Variants in PDE7B observed in about 807,000 individuals in gnomAD.
PDE7B encodes the protein phosphodiesterase 7B.
PDE7B carries 29 observed loss-of-function variants against 56.2 expected under a neutral mutation model. The ratio of observed to expected loss-of-function variants is 0.52; its 90% CI spans 0.38 to 0.70. The LOEUF is 0.70. Among genes scored for constraint, PDE7B ranks in the 30% least tolerant of loss-of-function variants. The probability of loss-of-function intolerance (pLI) is 0.00; values close to 1 mark genes in which losing one functional copy is unlikely to be tolerated. For synonymous variants in PDE7B, 197 were observed against 196.9 expected (o/e 1.00, Z 0.00); for missense variants, 490 against 565.0 (o/e 0.87, Z 1.35).
chr6:135,977,560 A>G (rs559515075), intron 2 of PDE7B, among the ~76,000 whole-genome samples: 28 of 152,188 alleles, frequency 1.8e-4, no homozygotes, highest in African/African-American at 6.5e-4. Context: ...TAGCTTCCAT[A>G]CCCTTGTCAA....
At chr6:136,161,735 T>C (rs1778706855) in intron 8 of PDE7B, among the ~76,000 whole-genome samples, 1 of 152,232 alleles carries the variant, frequency 6.6e-6, no homozygotes, top group Non-Finnish European at 1.5e-5. Context: ...TCTTTTTCTT[T>C]TAACAGTTCT....
At chr6:136,177,081 A>G (rs973029684) in intron 9 of PDE7B, among the ~76,000 whole-genome samples, 9 of 151,642 alleles carry the variant, frequency 5.9e-5, no homozygotes, top group Non-Finnish European at 1.5e-5. Flanking sequence ...ATGTAGGGAA[A>G]TTTTCATCAG....
intron 1 of PDE7B, among the ~76,000 whole-genome samples, chr6:135,929,429 G>A (rs374278145): frequency 6.6e-6 from 1 of 152,200 alleles, no homozygotes; most frequent in African/African-American, 2.4e-5. Flanking sequence ...TTTGCTATAA[G>A]TATAAAATAT....
intron 2 of PDE7B, among the ~76,000 whole-genome samples, chr6:135,972,199 A>T (rs994840205): frequency 9.1e-5 from 12 of 131,256 alleles, no homozygotes; most frequent in African/African-American, 3.7e-4. Flanking sequence ...GCACCATTAC[A>T]CTCCAGCCTG....
At chr6:135,939,184 C>T (rs769916342) in intron 1 of PDE7B, among the ~76,000 whole-genome samples, 3 of 152,224 alleles carry the variant, frequency 2.0e-5, no homozygotes, top group Non-Finnish European at 4.4e-5. Context: ...AGGGATGGCT[C>T]TTCTGGAAGG....
intron 4 of PDE7B, 50 bp from the exon 5 acceptor site, chr6:136,149,037 G>C: frequency 7.9e-7 from 1 of 1,262,164 alleles, no homozygotes; most frequent in Non-Finnish European, 1.2e-6. Context: ...GTAAATGTTT[G>C]AGTCTCCAGT....
At chr6:135,881,002 G>A (rs1363961531) in intron 1 of PDE7B, among the ~76,000 whole-genome samples, 1 of 152,122 alleles carries the variant, frequency 6.6e-6, no homozygotes, top group Admixed American at 6.6e-5. Context: ...TCTCAGACCA[G>A]GTATGAAGTT....
At chr6:135,917,327 C>T (rs1204905753) in intron 1 of PDE7B, among the ~76,000 whole-genome samples, 3 of 150,872 alleles carry the variant, frequency 2.0e-5, no homozygotes, top group Admixed American at 6.6e-5. Context: ...ATTTTTTTTT[C>T]CAAATTTTCC....
At chr6:135,922,781 C>T (rs1774110241) in intron 1 of PDE7B, among the ~76,000 whole-genome samples, 1 of 152,134 alleles carries the variant, frequency 6.6e-6, no homozygotes, top group East Asian at 1.9e-4. Flanking sequence ...AGTGTAATAG[C>T]ATCATTATAC....
At chr6:135,869,730 A>G (rs1775337618) in intron 1 of PDE7B, among the ~76,000 whole-genome samples, 1 of 152,230 alleles carries the variant, frequency 6.6e-6, no homozygotes, top group Non-Finnish European at 1.5e-5. Context: ...AAGAGAGCCC[A>G]ATGGAGTCTT....
intron 11 of PDE7B, among the ~76,000 whole-genome samples, chr6:136,183,662 C>G (rs544576183): frequency 6.6e-6 from 1 of 150,902 alleles, no homozygotes; most frequent in South Asian, 2.1e-4. Flanking sequence ...AACTGCCTGT[C>G]CTCCCTACTG....
rs187502892 is a variant in PDE7B at position 135,999,220 on chromosome 6, A to G, written c.82+51696A>G. Among the ~76,000 whole-genome samples the G allele has an allele frequency of 5.2e-4, 79 of 152,170 alleles. 1 individual carries two copies. Among genetic ancestry groups the G allele is most frequent in the Non-Finnish European group, 8.7e-4 (59 of 68,020 alleles). On this transcript the variant is annotated intron_variant, in intron 2 of 12. Coordinates refer to ENST00000308191, the MANE Select transcript of PDE7B (RefSeq NM_018945.4). ...CAAATCATCAGATAACATTGAGAAA[A>G]ATCACAGGCTTCATAAGCTATAGAA...
chr6:135,998,777 T>C (rs988626612), intron 2 of PDE7B, among the ~76,000 whole-genome samples: 3 of 135,858 alleles, frequency 2.2e-5, no homozygotes, highest in Non-Finnish European at 3.3e-5. Flanking sequence ...AAATAAAAAA[T>C]AAACAAAAAA....
In PDE7B at chr6:136,051,900, C is replaced by T. The variant is rs926197333; in HGVS notation, c.83-56831C>T. On this transcript the variant is annotated intron_variant, in intron 2 of 12. Transcript: ENST00000308191. Reference sequence around the variant, plus strand: ...TGATAATGAGGAATACACTCCCCTTCGAGACATTTTCCTAACTTCAGAACC... The same window carrying T: ...TGATAATGAGGAATACACTCCCCTTTGAGACATTTTCCTAACTTCAGAACC... 1.4e-4 allele frequency among the ~76,000 whole-genome samples: 21 copies of T among 152,156 alleles called. 1 individual carries two copies. The highest frequency in any genetic ancestry group is 1.2e-3 in the South Asian group (6 of 4,812).
chr6:136,117,697 C>T (rs1243125324), intron 3 of PDE7B, among the ~76,000 whole-genome samples: 6 of 152,156 alleles, frequency 3.9e-5, no homozygotes, highest in African/African-American at 1.2e-4. Flanking sequence ...GGTGCTTAAC[C>T]CCAGGCACAG....
intron 3 of PDE7B, among the ~76,000 whole-genome samples, chr6:136,124,954 C>A (rs1421176891): frequency 6.6e-6 from 1 of 152,074 alleles, no homozygotes; most frequent in Non-Finnish European, 1.5e-5. Context: ...ACATACATAT[C>A]AAATTATTTG....
intron 12 of PDE7B, among the ~76,000 whole-genome samples, chr6:136,190,738 A>G (rs1779209315): frequency 6.6e-6 from 1 of 152,236 alleles, no homozygotes; most frequent in East Asian, 1.9e-4. Flanking sequence ...CAGACATGCA[A>G]ACAAAGAAGT....
intron 1 of PDE7B, among the ~76,000 whole-genome samples, chr6:135,928,530 C>T (rs117983671): frequency 0.11 from 9,179 of 85,996 alleles, 407 homozygotes; most frequent in African/African-American, 0.16. Context: ...TATATATATA[C>T]ACACACACAC....
At chr6:136,040,653 A>G (rs1776398013) in intron 2 of PDE7B, among the ~76,000 whole-genome samples, 1 of 152,162 alleles carries the variant, frequency 6.6e-6, no homozygotes, top group African/African-American at 2.4e-5. Context: ...GAGGTTTATG[A>G]TAGACAGCTC....
Sources: allele counts gnomAD v4.1 joint callset (sites outside exome capture counted in the v4.1 genomes callset), GRCh38; gene constraint gnomAD v4.1.1; transcripts MANE v1.5; gene names NCBI Gene and HGNC (gene_info 2026-07-23, HGNC 2026-07-21).